The following PRKDC variants were observed in gnomAD, a reference collection of about 807,000 sequenced individuals.
The protein encoded by PRKDC is protein kinase, DNA-activated, catalytic subunit, also known as DNA-dependent protein kinase catalytic subunit.
Under a neutral mutation model 486.9 loss-of-function variants are expected in PRKDC, and 82 were observed. That is an observed-to-expected ratio of 0.17 (90% CI 0.14 to 0.20). PRKDC has a LOEUF of 0.20. Ranked by LOEUF, PRKDC falls within the 10% of genes least tolerant of loss-of-function variation. PRKDC has a pLI of 1.00. For synonymous variants in PRKDC, 1,895 were observed against 1,837.0 expected, an observed-to-expected ratio of 1.03 and a Z score of -0.81; for missense variants, 4,504 against 5,038.2, an observed-to-expected ratio of 0.89 and a Z score of 3.21.
At chr8:47,946,683 C>T (rs1186080693) in intron 7 of PRKDC, among the ~76,000 whole-genome samples, 1 of 152,162 alleles carries the variant, frequency 6.6e-6, no homozygotes, top group African/African-American at 2.4e-5. Context: ...AATGTATAGC[C>T]TGAAGTCTGA....
In PRKDC at chr8:47,782,325, G is replaced by A; in HGVS notation, c.11396+53C>T. On this transcript the variant is annotated intron_variant, in intron 79 of 85. Coordinates refer to ENST00000314191, the MANE Select transcript of PRKDC (RefSeq NM_006904.7). This position sits in a 1 kb window ranked among gnomAD's most constrained non-coding sequence, Gnocchi z 4.9. ...TTCTTCACTAGAAAAACAGTCCCGT[G>A]GACGCCAAGCAATATGCAGCAGCCT... 6.2e-7 allele frequency: 1 copy of A among 1,610,666 alleles called. No individual in the cohort carries two copies. Among genetic ancestry groups the A allele is most frequent in the Non-Finnish European group, 8.5e-7 (1 of 1,177,610 alleles).
chr8:47,793,674 T>A (rs1262978327), intron 74 of PRKDC, among the ~76,000 whole-genome samples: 10 of 106,378 alleles, frequency 9.4e-5, no homozygotes, highest in East Asian at 2.5e-4. Flanking sequence ...TAAATTAATT[T>A]AAAAAAACTA....
At chr8:47,941,812 G>A (rs577899201) in intron 10 of PRKDC, among the ~76,000 whole-genome samples, 5 of 152,344 alleles carry the variant, frequency 3.3e-5, no homozygotes, top group East Asian at 1.9e-4. Flanking sequence ...ACTTTCTCAC[G>A]AGGTAGAGAT....
In PRKDC at chr8:47,929,169, G is replaced by T. The variant is rs772832174; in HGVS notation, c.2062C>A (p.Pro688Thr). 2 of 1,569,650 alleles carry T rather than the reference G, an allele frequency of 1.3e-6. No homozygotes were observed. The highest frequency in any genetic ancestry group is 1.2e-5 in the South Asian group (1 of 85,420). ...TCAGGAGAGTGTTTCAGACTCTTTG[G>T]ACTAACTCCCTGTCAAATAAAACAG... The part of the protein sequence containing the change: ...KKIKYFEGVS[P>T]KSLKHSPEDP... Residue 688 changes from proline (P) to threonine (T), a missense_variant, in exon 19 of 86, where the codon CCA (proline) becomes ACA (threonine). This residue lies in a region of PRKDC where 1,969 missense variants were observed against 2,068.9 expected (regional missense o/e 0.95). Coordinates refer to ENST00000314191, the MANE Select transcript of PRKDC (RefSeq NM_006904.7).
chr8:47,881,905 T>C lies in PRKDC; in HGVS notation c.4962+7A>G. 6.3e-7 allele frequency: 1 copy of C among 1,599,022 alleles called. No homozygotes were observed. Among genetic ancestry groups the C allele is most frequent in the Non-Finnish European group, 8.5e-7 (1 of 1,171,116 alleles). On this transcript the variant is annotated splice_region_variant and intron_variant, in intron 37 of 85. Coordinates refer to ENST00000314191, the MANE Select transcript of PRKDC (RefSeq NM_006904.7). ...AAACATGACTGCTTTTTAAAGGAAT[T>C]GAATACCTGTAAAATTTTTGCCAGT...
intron 10 of PRKDC, among the ~76,000 whole-genome samples, chr8:47,940,780 GCAGA>G (rs1217213940): frequency 6.6e-6 from 1 of 152,122 alleles, no homozygotes; most frequent in Non-Finnish European, 1.5e-5. Context: ...TTCAACAGTA[GCAGA>G]CAGAGGACAG....
chr8:47,782,779 C>A lies in PRKDC; in HGVS notation c.11176-181G>T. 1.6e-5 allele frequency: 10 copies of A among 619,538 alleles called. No homozygotes were observed. In the South Asian group the frequency reaches 2.0e-4, roughly 12 times the overall value. The allele number at this position is 619,538 out of a possible 1,614,324, so 38.4% of individuals were successfully genotyped here. The stretch of plus-strand genomic sequence containing the variant: ...CCTGCTTGTGCCTGACTGCTGTGCC[C>A]GCAGAAATGTTGTATTCCTGATTAT... On this transcript the variant is annotated intron_variant, in intron 78 of 85. Coordinates refer to ENST00000314191, the MANE Select transcript of PRKDC (RefSeq NM_006904.7). The surrounding 1 kb of genome is among the most constrained non-coding windows in gnomAD (Gnocchi z 4.9).
intron 80 of PRKDC, among the ~76,000 whole-genome samples, chr8:47,779,936 A>T (rs1375601757): frequency 9.2e-6 from 1 of 108,606 alleles, no homozygotes; most frequent in African/African-American, 3.5e-5. Flanking sequence ...TTTTTTTGAG[A>T]CAGAGTCTTA....
At chr8:47,937,915 G>A (rs1219390597) in intron 11 of PRKDC, among the ~76,000 whole-genome samples, 3 of 152,160 alleles carry the variant, frequency 2.0e-5, no homozygotes, top group Non-Finnish European at 4.4e-5. Flanking sequence ...AGGAGTTCAT[G>A]AACAGTCTGT....
chr8:47,885,761 G>A (rs564168332), intron 36 of PRKDC, among the ~76,000 whole-genome samples, 183 bp downstream of exon 36: 1 of 152,052 alleles, frequency 6.6e-6, no homozygotes, highest in African/African-American at 2.4e-5. Flanking sequence ...GTGTGGTGGC[G>A]GGTGCCTGTA....
At position 47,777,799 on chromosome 8, in the gene PRKDC, T is replaced by C. The variant is rs772728814; in HGVS notation, c.11929A>G (p.Thr3977Ala). Residue 3977 changes from threonine to alanine, a missense_variant, in exon 84 of 86, where the codon ACG becomes GCG. Around this residue, in one of 6 missense-constraint regions of PRKDC, gnomAD observed 706 missense variants for 945.0 expected, o/e 0.75. Transcript: ENST00000314191. The part of the protein sequence containing the change: ...FINLMLPMKE[T>A]GLMYSIMVHA... ...ACCATGATGCTGTACATAAGGCCCGTTTCTTTCATTGGTAACATCAGATTG... is the reference window on the plus strand; with the variant it reads ...ACCATGATGCTGTACATAAGGCCCGCTTCTTTCATTGGTAACATCAGATTG... 6.2e-6 allele frequency: 10 copies of C among 1,614,016 alleles called. No homozygotes were observed.
intron 59 of PRKDC, among the ~76,000 whole-genome samples, chr8:47,832,784 G>A (rs946563406): frequency 4.6e-5 from 7 of 152,186 alleles, no homozygotes; most frequent in African/African-American, 1.2e-4. Context: ...GAGAGTCAGC[G>A]GCCTGGAAGC....
chr8:47,943,113 C>CA (rs2090473139), intron 10 of PRKDC, 96 bp downstream of exon 10: 2 of 1,380,328 alleles, frequency 1.4e-6, no homozygotes, highest in Non-Finnish European at 2.0e-6. Flanking sequence ...AGCTACAGAT[C>CA]AACTTGTATT....
chr8:47,829,147 T>A (rs925686766), intron 61 of PRKDC, among the ~76,000 whole-genome samples: 1 of 152,258 alleles, frequency 6.6e-6, no homozygotes, highest in South Asian at 2.1e-4. Context: ...CATATTATAA[T>A]TGACAGGTCA....
chr8:47,803,385 G>A lies in PRKDC; in HGVS notation c.9843C>T (p.Cys3281=). The change falls in exon 70 of 86, where the codon TGC becomes TGT. Residue 3281 remains cysteine, a synonymous_variant. Coordinates refer to ENST00000314191, the MANE Select transcript of PRKDC (RefSeq NM_006904.7). ...DWLVSWVQSY[C]RLSHCRSRSQ... Reference sequence around the variant, plus strand: ...ACCGGCTCCGGCAGTGGCTCAGGCGGCAGTAGCTCTGCACCCAGCTCACCA... The same window carrying A: ...ACCGGCTCCGGCAGTGGCTCAGGCGACAGTAGCTCTGCACCCAGCTCACCA... 1 of 1,613,988 alleles carries A rather than the reference G, an allele frequency of 6.2e-7. No individual in the cohort carries two copies. Among genetic ancestry groups the A allele is most frequent in the Non-Finnish European group, 8.5e-7 (1 of 1,179,894 alleles).
rs764431253 is a variant in PRKDC, at chr8:47,943,836, T to C, written c.808+17A>G. 3.5e-5 allele frequency: 55 copies of C among 1,562,172 alleles called. No individual in the cohort carries two copies. In the Admixed American group the frequency reaches 5.6e-4, roughly 16 times the overall value. The stretch of plus-strand genomic sequence containing the variant: ...AGTAATCTAAAATATTATACCTCAT[T>C]ATAAACAGAATCCTACCTGAGGGCA... On this transcript the variant is annotated intron_variant, in intron 9 of 85. Transcript: ENST00000314191.
At chr8:47,814,482 C>T (rs1240653291) in intron 68 of PRKDC, among the ~76,000 whole-genome samples, 1 of 152,058 alleles carries the variant, frequency 6.6e-6, no homozygotes, top group Non-Finnish European at 1.5e-5. Flanking sequence ...AGAACTAAAA[C>T]TACCATGTTA....
intron 4 of PRKDC, 107 bp downstream of exon 4, chr8:47,955,767 T>C: frequency 3.6e-6 from 3 of 838,788 alleles, no homozygotes; most frequent in Non-Finnish European, 5.6e-6. Flanking sequence ...TGTGATTAGA[T>C]CCTATCCTTC....
chr8:47,849,173 C>T lies in PRKDC; in HGVS notation c.7261G>A (p.Val2421Ile), dbSNP rs377507150. 5.6e-6 allele frequency: 9 copies of T among 1,613,870 alleles called. No individual in the cohort carries two copies. Among genetic ancestry groups the T allele is most frequent in the African/African-American group, 1.3e-5 (1 of 74,928 alleles). The change falls in exon 54 of 86, where the codon GTT becomes ATT. Residue 2421 changes from valine to isoleucine, a missense_variant. By Grantham distance (29) the Val-to-Ile change is conservative. Coordinates refer to ENST00000314191, the MANE Select transcript of PRKDC (RefSeq NM_006904.7). Reference protein sequence around the residue: ...LYFQLKSKDFVQVMRHRDDER... With the variant: ...LYFQLKSKDFIQVMRHRDDER... ...ACTCACCTATGTCTCATGACTTGAA[C>T]GAAGTCCTTGCTCTTTAACTGGAAG...
Sources: gnomAD v4.1 joint callset for allele counts (sites outside exome capture counted in the v4.1 genomes callset) on GRCh38, gnomAD v4.1.1 for gene constraint, gnomAD v4.1.1 regional missense constraint, Gnocchi (gnomAD v3.1) non-coding constraint, MANE v1.5 for transcripts, NCBI Gene and HGNC (gene_info 2026-07-23, HGNC 2026-07-21) for gene names.